Variants in FAM227A observed in about 807,000 individuals in gnomAD.
FAM227A encodes family with sequence similarity 227 member A, also known as protein FAM227A.
In FAM227A, 80 loss-of-function variants were observed where a neutral mutation model predicts 74.7. That is an observed-to-expected ratio of 1.07 (90% confidence interval 0.89 to 1.29). The LOEUF is 1.29. Among genes scored for constraint, FAM227A ranks in the 50% most tolerant of loss-of-function variants. The probability of loss-of-function intolerance (pLI) is 0.00; values close to 1 mark genes in which losing one functional copy is unlikely to be tolerated. For synonymous variants in FAM227A, 237 were observed against 241.8 expected, an observed-to-expected ratio of 0.98 and a Z score of 0.19; for missense variants, 654 against 683.4, an observed-to-expected ratio of 0.96 and a Z score of 0.48.
chr22:38,598,620 C>T (rs1000846941), intron 14 of FAM227A, among the ~76,000 whole-genome samples: 3 of 152,208 alleles, frequency 2.0e-5, no homozygotes, highest in Admixed American at 1.3e-4. Context: ...TAGTTCATTA[C>T]GAAACTCCTC....
At chr22:38,645,986 T>C (rs1460911248) in intron 2 of FAM227A, among the ~76,000 whole-genome samples, 1 of 151,946 alleles carries the variant, frequency 6.6e-6, no homozygotes. Flanking sequence ...AGTTTCGCCA[T>C]GTTTCCCAGG....
Position 38,638,842 on chromosome 22 carries a change from G to T in FAM227A, c.296-20C>A. On this transcript the variant is annotated intron_variant, in intron 4 of 16. Transcript: ENST00000535113. Reference sequence around the variant, plus strand: ...TCTTGACTGCAGAAAAATGGAGAAAGAGATAAATGAGTAACCACAGGGTCT... The same window carrying T: ...TCTTGACTGCAGAAAAATGGAGAAATAGATAAATGAGTAACCACAGGGTCT... The T allele has an allele frequency of 1.4e-6, 2 of 1,477,726 alleles. No homozygotes were observed. The highest frequency in any genetic ancestry group is 1.8e-6 in the Non-Finnish European group (2 of 1,095,676). The allele number at this position is 1,477,726 out of a possible 1,614,324, so 91.5% of individuals were successfully genotyped here. A position where few individuals can be genotyped will look rare whatever the true frequency, so the allele number is the denominator to read the frequency against.
intron 6 of FAM227A, among the ~76,000 whole-genome samples, chr22:38,633,975 T>C (rs1025295670): frequency 2.0e-5 from 3 of 151,834 alleles, no homozygotes; most frequent in African/African-American, 7.3e-5. Flanking sequence ...TCCCAGCACT[T>C]TGGGAGGCGG....
chr22:38,628,964 ATTG>A, intron 6 of FAM227A, 29 bp from the exon 7 acceptor site: 5 of 1,237,030 alleles, frequency 4.0e-6, no homozygotes, highest in Admixed American at 2.5e-5. Context: ...CAGTATTATT[ATTG>A]TTGTTATCTT....
At chr22:38,594,915 G>T (rs771687436) in intron 15 of FAM227A, among the ~76,000 whole-genome samples, 1 of 152,056 alleles carries the variant, frequency 6.6e-6, no homozygotes, top group African/African-American at 2.4e-5. Context: ...TGGCTAACAC[G>T]GTGAAACCCT....
At chr22:38,586,302 T>C (rs1410148190) in intron 16 of FAM227A, 103 bp from the exon 17 acceptor site, 1 of 1,300,214 alleles carries the variant, frequency 7.7e-7, no homozygotes, top group South Asian at 1.4e-5. Flanking sequence ...GTGATCCTTG[T>C]GTGCATGGAA....
rs1205447800 is a variant in FAM227A at position 38,642,340 on chromosome 22, CCT to C, written c.226-2618_226-2617del. Among the ~76,000 whole-genome samples the C allele has an allele frequency of 2.6e-5, 4 of 152,046 alleles. No individual in the cohort carries two copies. In the East Asian group the frequency reaches 7.8e-4, roughly 29 times the overall value. On this transcript the variant is annotated intron_variant, in intron 3 of 16. Coordinates refer to ENST00000535113, the MANE Select transcript of FAM227A (RefSeq NM_001013647.2). ...AATTCTGGAGGCTCAGTGTAGACAC[CCT>C]GAGAGGTAAAAACTCCAGCCATCAC... is the stretch of plus-strand genomic sequence containing the variant.
At chr22:38,613,331 ATAAT>A (rs553627158) in intron 11 of FAM227A, among the ~76,000 whole-genome samples, 216 of 48,348 alleles carry the variant, frequency 4.5e-3, no homozygotes, top group Admixed American at 7.2e-3. Flanking sequence ...TATATCATAT[ATAAT>A]ATATAACATA....
chr22:38,645,344 T>C (rs1428120511), intron 3 of FAM227A, among the ~76,000 whole-genome samples: 3 of 152,158 alleles, frequency 2.0e-5, no homozygotes, highest in African/African-American at 7.2e-5. Context: ...TGAACCGAGA[T>C]TGTGCCACTG....
intron 1 of FAM227A, among the ~76,000 whole-genome samples, chr22:38,655,567 A>T (rs1187273096): frequency 3.3e-5 from 5 of 152,200 alleles, no homozygotes; most frequent in African/African-American, 1.2e-4. Flanking sequence ...ATTTAGAAAT[A>T]CTGATTATAT....
At chr22:38,619,100 CAAG>C (rs969211298) in intron 11 of FAM227A, among the ~76,000 whole-genome samples, 46 of 151,766 alleles carry the variant, frequency 3.0e-4, no homozygotes, top group African/African-American at 1.1e-3. Flanking sequence ...TTACCTGGGA[CAAG>C]AAGAACAGGA....
chr22:38,644,081 G>C (rs1444278913), intron 3 of FAM227A, among the ~76,000 whole-genome samples: 2 of 146,442 alleles, frequency 1.4e-5, no homozygotes, highest in African/African-American at 5.2e-5. Context: ...GGGAGGCAGA[G>C]CTTGCAGTGA....
intron 14 of FAM227A, among the ~76,000 whole-genome samples, chr22:38,598,532 T>C (rs2091099599): frequency 1.3e-5 from 2 of 152,200 alleles, no homozygotes; most frequent in Admixed American, 1.3e-4. Context: ...TGTGAGTTGT[T>C]GTTATTACTC....
intron 11 of FAM227A, among the ~76,000 whole-genome samples, chr22:38,611,501 A>C (rs945533993): frequency 1.3e-5 from 2 of 152,196 alleles, no homozygotes; most frequent in Non-Finnish European, 2.9e-5. Context: ...TATTCTGACA[A>C]GACATAACTA....
rs77336406 is a variant in FAM227A, at chr22:38,625,993, T to C, written c.850+187A>G. 5.1e-4 allele frequency among the ~76,000 whole-genome samples: 77 copies of C among 151,792 alleles called. 1 individual carries two copies. The East Asian group carries it at 0.01, about 20-fold the overall frequency. On this transcript the variant is annotated intron_variant, in intron 9 of 16. Coordinates refer to ENST00000535113, the MANE Select transcript of FAM227A (RefSeq NM_001013647.2). Reference sequence around the variant, plus strand: ...AGGAAGGGATGTCTCAGAACTGTTTTGAGGAAGCAGGAAAATTTGTATTCC... The same window carrying C: ...AGGAAGGGATGTCTCAGAACTGTTTCGAGGAAGCAGGAAAATTTGTATTCC...
At chr22:38,603,726 C>CA (rs1284272522) in intron 13 of FAM227A, among the ~76,000 whole-genome samples, 1 of 152,066 alleles carries the variant, frequency 6.6e-6, no homozygotes, top group African/African-American at 2.4e-5. Context: ...ATCAGGCCCC[C>CA]AGAGGTCACA....
intron 6 of FAM227A, among the ~76,000 whole-genome samples, chr22:38,629,724 C>T (rs1330382377): frequency 8.7e-6 from 1 of 114,864 alleles, no homozygotes; most frequent in African/African-American, 3.4e-5. Flanking sequence ...GGTGCCTCTC[C>T]TTTACCATCA....
chr22:38,618,928 G>A (rs1372479084), intron 11 of FAM227A, among the ~76,000 whole-genome samples: 1 of 146,826 alleles, frequency 6.8e-6, no homozygotes, highest in African/African-American at 2.5e-5. Context: ...CTGATTCATA[G>A]TTTGCTAAAC....
intron 3 of FAM227A, among the ~76,000 whole-genome samples, chr22:38,643,651 TTTAC>T (rs1429517026): frequency 2.0e-5 from 3 of 152,148 alleles, no homozygotes; most frequent in Non-Finnish European, 4.4e-5. Flanking sequence ...CTCCCTGGTA[TTTAC>T]TTACATGAAG....
Sources: gnomAD v4.1 joint callset for allele counts (sites outside exome capture counted in the v4.1 genomes callset) on GRCh38, gnomAD v4.1.1 for gene constraint, MANE v1.5 for transcripts, NCBI Gene and HGNC (gene_info 2026-07-23, HGNC 2026-07-21) for gene names.